The following ITGBL1 variants were observed in gnomAD, a reference collection of about 807,000 sequenced individuals.
ITGBL1 encodes integrin subunit beta like 1, also known as integrin beta-like protein 1.
A neutral mutation model predicts 68.5 loss-of-function variants in ITGBL1; 51 were observed. That is an observed-to-expected ratio of 0.74 (90% CI 0.59 to 0.94). The LOEUF is 0.94. Ranked by LOEUF, ITGBL1 falls within the 40% of genes least tolerant of loss-of-function variation. The pLI, the probability that ITGBL1 is intolerant of heterozygous loss-of-function variation, is 0.00. For missense variants in ITGBL1, 649 were observed against 647.4 expected (o/e 1.00, Z -0.03); for synonymous variants, 209 against 227.3 (o/e 0.92, Z 0.72).
chr13:101,525,015 GC>G (rs1374371422), intron 2 of ITGBL1, among the ~76,000 whole-genome samples: 1 of 152,018 alleles, frequency 6.6e-6, no homozygotes. Context: ...GAAATTTTAT[GC>G]AATTTATTTT....
At chr13:101,678,916 A>ATTTTTTTTTTT (rs36009434) in intron 7 of ITGBL1, among the ~76,000 whole-genome samples, 1 of 149,064 alleles carries the variant, frequency 6.7e-6, no homozygotes, top group Non-Finnish European at 1.5e-5. Flanking sequence ...ACTTTTTTTA[A>ATTTTTTTTTTT]TTTTTTTTTT....
intron 5 of ITGBL1, 81 bp downstream of exon 5, chr13:101,579,508 C>T: frequency 7.0e-7 from 1 of 1,421,762 alleles, no homozygotes; most frequent in Non-Finnish European, 9.6e-7. Context: ...CTTTGTATTT[C>T]CTCTAGTGTG....
chr13:101,605,534 G>C (rs1163007231), intron 7 of ITGBL1, among the ~76,000 whole-genome samples: 4 of 149,884 alleles, frequency 2.7e-5, no homozygotes, highest in African/African-American at 4.9e-5. Context: ...ATATGTATAT[G>C]CGTATATATA....
chr13:101,597,003 A>G (rs1353881348), intron 6 of ITGBL1, among the ~76,000 whole-genome samples: 1 of 152,128 alleles, frequency 6.6e-6, no homozygotes, highest in Non-Finnish European at 1.5e-5. Context: ...AATTCATGTC[A>G]CTATATGTTT....
chr13:101,692,612 GCT>G lies in ITGBL1; in HGVS notation c.1044_1045del (p.Cys348Ter), dbSNP rs2033904593. On this transcript the variant is annotated stop_gained and frameshift_variant, in exon 8 of 11. Coordinates refer to ENST00000376180, the MANE Select transcript of ITGBL1 (RefSeq NM_004791.3). LOFTEE classifies it high-confidence loss of function. ...AAATGTGAATGTGGCAAATGCACCT[GCT>G]ATCCTCCAGGAGATCGCCGGGTGTA... 1 of 1,613,546 alleles carries G rather than the reference GCT, an allele frequency of 6.2e-7. No homozygotes were observed. Among genetic ancestry groups the G allele is most frequent in the African/African-American group, 1.3e-5 (1 of 74,886 alleles).
intron 2 of ITGBL1, among the ~76,000 whole-genome samples, chr13:101,490,376 G>A (rs2048759413): frequency 6.6e-6 from 1 of 152,262 alleles, no homozygotes; most frequent in East Asian, 1.9e-4. Context: ...CCTTTTTATG[G>A]TATTTTTGTT....
intron 3 of ITGBL1, among the ~76,000 whole-genome samples, chr13:101,570,392 C>A (rs370458452): frequency 4.6e-5 from 7 of 152,160 alleles, no homozygotes; most frequent in Admixed American, 3.3e-4. Context: ...CTTCACTGCA[C>A]CTTTGGAATC....
intron 6 of ITGBL1, among the ~76,000 whole-genome samples, chr13:101,597,096 C>G (rs938204581): frequency 6.6e-6 from 1 of 152,090 alleles, no homozygotes; most frequent in Non-Finnish European, 1.5e-5. Flanking sequence ...TCAATGTACG[C>G]TCATCAGTTA....
At chr13:101,641,186 A>G (rs1487393122) in intron 7 of ITGBL1, among the ~76,000 whole-genome samples, 2 of 152,154 alleles carry the variant, frequency 1.3e-5, no homozygotes, top group African/African-American at 4.8e-5. Flanking sequence ...ATCATGGCTG[A>G]CATAGATTAG....
intron 2 of ITGBL1, among the ~76,000 whole-genome samples, chr13:101,553,869 G>A (rs2139218481): frequency 6.6e-6 from 1 of 152,176 alleles, no homozygotes; most frequent in African/African-American, 2.4e-5. Context: ...CTGCCTTCCA[G>A]GTTCAAGCAA....
rs145131525 is a variant in ITGBL1 at position 101,512,570 on chromosome 13, A to G, written c.317-55129A>G. On this transcript the variant is annotated intron_variant, in intron 2 of 10. Transcript: ENST00000376180. The stretch of plus-strand genomic sequence containing the variant: ...ACAGATTGTATTTAAACACCTCATC[A>G]AAGATTTAGGACTGTGGGATTGTCA... 3.4e-3 allele frequency among the ~76,000 whole-genome samples: 512 copies of G among 152,246 alleles called. 5 individuals carry two copies. The highest frequency in any genetic ancestry group is 0.012 in the African/African-American group (478 of 41,548).
chr13:101,565,076 C>T (rs1280228467), intron 2 of ITGBL1, among the ~76,000 whole-genome samples: 1 of 151,984 alleles, frequency 6.6e-6, no homozygotes, highest in Non-Finnish European at 1.5e-5. Context: ...TTCCAGTCTT[C>T]ATCACTGTGA....
chr13:101,583,080 T>G (rs1442773742), intron 5 of ITGBL1, 136 bp from the exon 6 acceptor site: 1 of 791,380 alleles, frequency 1.3e-6, no homozygotes, highest in East Asian at 2.6e-5. Flanking sequence ...TGTTTTTCCT[T>G]TTTAGAATAT....
intron 2 of ITGBL1, among the ~76,000 whole-genome samples, chr13:101,498,515 T>C (rs1459007679): frequency 1.3e-5 from 2 of 152,232 alleles, no homozygotes; most frequent in Non-Finnish European, 2.9e-5. Context: ...AGCTTACATC[T>C]AGAGATCTAT....
intron 7 of ITGBL1, among the ~76,000 whole-genome samples, chr13:101,622,776 A>G (rs369343936): frequency 2.6e-5 from 4 of 152,288 alleles, no homozygotes; most frequent in East Asian, 1.9e-4. Context: ...TTAGAGATCC[A>G]TGAATAGAAA....
At chr13:101,496,587 GT>G (rs1370168864) in intron 2 of ITGBL1, among the ~76,000 whole-genome samples, 2 of 152,042 alleles carry the variant, frequency 1.3e-5, no homozygotes, top group South Asian at 2.1e-4. Context: ...CATCTTATTG[GT>G]TTTTTAAAAT....
chr13:101,531,094 A>G (rs1160255655), intron 2 of ITGBL1, among the ~76,000 whole-genome samples: 2 of 152,192 alleles, frequency 1.3e-5, no homozygotes, highest in African/African-American at 2.4e-5. Context: ...TAAACTTTCA[A>G]TAATGGCTAA....
chr13:101,456,469 G>C (rs375805218), intron 2 of ITGBL1, among the ~76,000 whole-genome samples: 97 of 152,302 alleles, frequency 6.4e-4, no homozygotes, highest in African/African-American at 2.1e-3. Context: ...AATATAGCAG[G>C]TTTCCTATGT....
chr13:101,664,180 A>G (rs1487049033), intron 7 of ITGBL1, among the ~76,000 whole-genome samples: 3 of 152,182 alleles, frequency 2.0e-5, no homozygotes, highest in Non-Finnish European at 4.4e-5. Flanking sequence ...TCGCAGTTTT[A>G]TGTGCTACAT....
Sources: gnomAD v4.1 joint callset for allele counts (sites outside exome capture counted in the v4.1 genomes callset) on GRCh38, gnomAD v4.1.1 for gene constraint, MANE v1.5 for transcripts, NCBI Gene and HGNC (gene_info 2026-07-23, HGNC 2026-07-21) for gene names.